Variants in ZNF610 observed in about 807,000 individuals in gnomAD.
ZNF610 encodes zink finger protein.
Under a neutral mutation model 14.1 loss-of-function variants are expected in ZNF610, and 14 were observed. The observed-to-expected ratio is 0.99, with a 90% confidence interval of 0.65 to 1.55. The LOEUF (loss-of-function observed/expected upper bound fraction) is 1.55. Ranked by LOEUF, ZNF610 falls within the 40% of genes most tolerant of loss-of-function variation. The pLI, the probability that ZNF610 is intolerant of heterozygous loss-of-function variation, is 0.00. For synonymous variants in ZNF610, 185 were observed against 187.6 expected, an observed-to-expected ratio of 0.99 and a Z score of 0.11; for missense variants, 530 against 558.0, an observed-to-expected ratio of 0.95 and a Z score of 0.51.
At chr19:52,339,622 C>A (rs1480855270) in intron 1 of ZNF610, among the ~76,000 whole-genome samples, 1 of 150,032 alleles carries the variant, frequency 6.7e-6, no homozygotes, top group Non-Finnish European at 1.5e-5. Flanking sequence ...AGATTCACAG[C>A]ATCTCAAGGC....
Position 52,349,081 on chromosome 19 carries a change from G to A in ZNF610, c.-19-73G>A, listed in dbSNP as rs966575222. ...CTTTCCGCAGGATTAGGTCTAACCT[G>A]TGTGTGTGGTTGTGGCATAGGGAGG... On this transcript the variant is annotated intron_variant, in intron 2 of 5. Transcript: ENST00000403906. 2.2e-5 allele frequency: 24 copies of A among 1,074,246 alleles called. No individual in the cohort carries two copies. In the African/African-American group the frequency reaches 3.7e-4, roughly 17 times the overall value. 66.5% of individuals were successfully genotyped at this position (1,074,246 alleles called of 1,614,324 possible). A position where few individuals can be genotyped will look rare whatever the true frequency, so the allele number is the denominator to read the frequency against.
upstream of ZNF610, among the ~76,000 whole-genome samples, chr19:52,334,771 A>C (rs562319195): frequency 2.6e-5 from 4 of 151,924 alleles, no homozygotes; most frequent in East Asian, 7.8e-4. Flanking sequence ...TGTACTAAAA[A>C]TACAAAAATT....
intron 1 of ZNF610, among the ~76,000 whole-genome samples, chr19:52,341,039 A>ACT (rs1426644776): frequency 2.5e-4 from 38 of 152,232 alleles, no homozygotes; most frequent in Non-Finnish European, 4.4e-5. Context: ...AAACACACAC[A>ACT]CTCACATACT....
intron 1 of ZNF610, 40 bp from the exon 2 acceptor site, chr19:52,347,667 C>T (rs575335294): frequency 3.3e-5 from 5 of 152,272 alleles, no homozygotes; most frequent in African/African-American, 1.2e-4. Context: ...CAGATGTGTT[C>T]CACCATGCCT....
chr19:52,359,553 G>A (rs1365193958), intron 5 of ZNF610, among the ~76,000 whole-genome samples: 1 of 152,130 alleles, frequency 6.6e-6, no homozygotes, highest in Admixed American at 6.6e-5. Flanking sequence ...AGGAACTCAG[G>A]CATCCACAGA....
intron 5 of ZNF610, among the ~76,000 whole-genome samples, chr19:52,362,479 C>A (rs955549768): frequency 6.6e-6 from 1 of 152,206 alleles, no homozygotes; most frequent in Admixed American, 6.5e-5. Context: ...GTCTGCAACT[C>A]CTGGCTTGAA....
chr19:52,354,426 T>A, intron 5 of ZNF610, 47 bp downstream of exon 5: 6 of 1,589,870 alleles, frequency 3.8e-6, no homozygotes, highest in Non-Finnish European at 4.3e-6. Context: ...TTTATTTTTT[T>A]ATTTTTGAGC....
chr19:52,354,580 ATTTTTTTTTTTTT>A (rs201439857), intron 5 of ZNF610, among the ~76,000 whole-genome samples: 56,404 of 124,336 alleles, frequency 0.45, 11,149 homozygotes, highest in South Asian at 0.52. Context: ...AAGCCATACT[ATTTTTTTTTTTTT>A]TTTTTTTTTT....
At chr19:52,358,664 A>G (rs1269920965) in intron 5 of ZNF610, among the ~76,000 whole-genome samples, 1 of 152,152 alleles carries the variant, frequency 6.6e-6, no homozygotes, top group Non-Finnish European at 1.5e-5. Context: ...TTGTGGTAGT[A>G]CATTTTATGT....
intron 4 of ZNF610, 43 bp from the exon 5 acceptor site, chr19:52,354,208 G>A (rs1300611649): frequency 6.2e-7 from 1 of 1,606,790 alleles, no homozygotes. Context: ...TTTGGGTTTT[G>A]GAAATGCCCC....
rs373773696 is a variant in ZNF610, at chr19:52,366,655, G to C, written c.1277G>C (p.Arg426Thr). The change falls in exon 6 of 6, where the codon AGA becomes ACA. Residue 426 changes from arginine (R) to threonine (T), a missense_variant. By Grantham distance (71) the Arg-to-Thr change is moderately conservative. Coordinates refer to ENST00000403906, the MANE Select transcript of ZNF610 (RefSeq NM_001161425.2). ...CATCAGAGAATTCATACTGGAGAGA[G>C]ACCTTACAAGTGTAATGCATGTGGC... Reference protein sequence around the residue: ...TNHQRIHTGERPYKCNACGKV... With the variant: ...TNHQRIHTGETPYKCNACGKV... The C allele has an allele frequency of 6.2e-7, 1 of 1,613,964 alleles. No individual in the cohort carries two copies. The highest frequency in any genetic ancestry group is 8.5e-7 in the Non-Finnish European group (1 of 1,179,966).
At chr19:52,339,435 T>C (rs1984558218) in intron 1 of ZNF610, among the ~76,000 whole-genome samples, 1 of 152,086 alleles carries the variant, frequency 6.6e-6, no homozygotes, top group Non-Finnish European at 1.5e-5. Flanking sequence ...CCCTGCGGCC[T>C]TCCACAGTGT....
chr19:52,339,280 T>C (rs902569805), intron 1 of ZNF610, among the ~76,000 whole-genome samples: 3 of 151,894 alleles, frequency 2.0e-5, no homozygotes, highest in African/African-American at 7.3e-5. Context: ...CAAAGAGGCC[T>C]TCCTCTTTCA....
In ZNF610 at chr19:52,366,621, C is replaced by A; in HGVS notation, c.1243C>A (p.Leu415Ile). ...CAAAGTCTTTGGGCGCAAATTATAC[C>A]TAACCAACCATCAGAGAATTCATAC... The part of the protein sequence containing the change: ...CDKVFGRKLY[L>I]TNHQRIHTGE... The change falls in exon 6 of 6, where the codon CTA becomes ATA. Residue 415 changes from leucine (L) to isoleucine (I), a missense_variant. Coordinates refer to ENST00000403906, the MANE Select transcript of ZNF610 (RefSeq NM_001161425.2). 4 of 1,614,198 alleles carry A rather than the reference C, an allele frequency of 2.5e-6. No homozygotes were observed. Among genetic ancestry groups the A allele is most frequent in the Non-Finnish European group, 3.4e-6 (4 of 1,180,032 alleles).
intron 3 of ZNF610, among the ~76,000 whole-genome samples, chr19:52,350,389 C>T (rs1031698629): frequency 4.6e-5 from 7 of 152,202 alleles, no homozygotes; most frequent in African/African-American, 1.7e-4. Flanking sequence ...TATATTTATA[C>T]AGCATTGGCC....
At chr19:52,341,840 G>A (rs1189752957) in intron 1 of ZNF610, among the ~76,000 whole-genome samples, 1 of 150,846 alleles carries the variant, frequency 6.6e-6, no homozygotes, top group African/African-American at 2.4e-5. Flanking sequence ...ACAGGGTCTT[G>A]CTCCCAGTCT....
At chr19:52,339,455 C>G (rs1984560267) in intron 1 of ZNF610, among the ~76,000 whole-genome samples, 1 of 146,174 alleles carries the variant, frequency 6.8e-6, no homozygotes, top group African/African-American at 2.8e-5. Flanking sequence ...TATTGTGTCC[C>G]TGGGTACTCG....
chr19:52,345,077 C>T (rs78007291), intron 1 of ZNF610: 2,556 of 152,356 alleles, frequency 0.017, 59 homozygotes, highest in African/African-American at 0.055. Context: ...CCACTGTACC[C>T]GGCCAGTCCC....
upstream of ZNF610, among the ~76,000 whole-genome samples, chr19:52,334,843 C>T (rs950375805): frequency 2.7e-5 from 4 of 150,396 alleles, 1 homozygote; most frequent in Admixed American, 2.0e-4. Flanking sequence ...GCTGGAGAGT[C>T]GCTTGAACCG....
Sources: gnomAD v4.1 joint callset for allele counts (sites outside exome capture counted in the v4.1 genomes callset) on GRCh38, gnomAD v4.1.1 for gene constraint, MANE v1.5 for transcripts, NCBI Gene and HGNC (gene_info 2026-07-23, HGNC 2026-07-21) for gene names.